COL20A1: variants seen among roughly 807,000 people sequenced by gnomAD.
The protein encoded by COL20A1 is collagen alpha-1(XX) chain.
Under a neutral mutation model 152.9 loss-of-function variants are expected in COL20A1, and 164 were observed. The ratio of observed to expected loss-of-function variants is 1.07; its 90% confidence interval spans 0.94 to 1.22. The LOEUF (loss-of-function observed/expected upper bound fraction) is 1.22. Ranked by LOEUF, COL20A1 falls within the 50% of genes most tolerant of loss-of-function variation. COL20A1 has a pLI of 0.00. For missense variants in COL20A1, 1,873 were observed against 1,744.8 expected (o/e 1.07, Z -1.31); for synonymous variants, 864 against 756.0 (o/e 1.14, Z -2.34).
In COL20A1 at chr20:63,310,028, G is replaced by C. The variant is rs1003007114; in HGVS notation, c.1263+113G>C. 1.0e-5 allele frequency: 11 copies of C among 1,049,390 alleles called. No individual in the cohort carries two copies. In the African/African-American group the frequency reaches 1.6e-4, roughly 15 times the overall value. The allele number at this position is 1,049,390 out of a possible 1,614,324, so 65.0% of individuals were successfully genotyped here. A position where few individuals can be genotyped will look rare whatever the true frequency, so the allele number is the denominator to read the frequency against. ...CCACAAATAACTGGGTCCAGGCTGA[G>C]AAGGGGGTGTCGAGGGGCTGACAGC... On this transcript the variant is annotated intron_variant, in intron 10 of 35. Transcript: ENST00000358894.
At chr20:63,325,224 G>T in intron 27 of COL20A1, 1 of 689,214 alleles carries the variant, frequency 1.5e-6, no homozygotes. Flanking sequence ...AGGAGGGGTG[G>T]CAAGCGTGAC....
At chr20:63,316,813 C>T (rs868121446) in intron 21 of COL20A1, 122 bp downstream of exon 21, 10 of 936,560 alleles carry the variant, frequency 1.1e-5, no homozygotes, top group South Asian at 4.3e-5. Context: ...GACAGGGCAG[C>T]GCTGCTATGT....
intron 34 of COL20A1, among the ~76,000 whole-genome samples, chr20:63,328,781 A>C (rs1283897072): frequency 6.6e-6 from 1 of 152,110 alleles, no homozygotes; most frequent in Non-Finnish European, 1.5e-5. Context: ...AGGGCCACAC[A>C]GGAGAGCCCA....
In COL20A1 at chr20:63,313,635, G is replaced by A. The variant is rs1371724639; in HGVS notation, c.2210-108G>A. On this transcript the variant is annotated intron_variant, in intron 17 of 35. Transcript: ENST00000358894. The surrounding 1 kb of genome is among the most constrained non-coding windows in gnomAD (Gnocchi z 5.9). Reference sequence around the variant, plus strand: ...TGGTAGGGGTGTGGCATGATGTGGTGGAGGCATTACGCAGAGCAGGGTAGG... The same window carrying A: ...TGGTAGGGGTGTGGCATGATGTGGTAGAGGCATTACGCAGAGCAGGGTAGG... The A allele has an allele frequency of 1.9e-6, 2 of 1,072,654 alleles. No individual in the cohort carries two copies. The highest frequency in any genetic ancestry group is 1.6e-5 in the African/African-American group (1 of 62,578). 66.4% of individuals were successfully genotyped at this position (1,072,654 alleles called of 1,614,324 possible).
In COL20A1 at chr20:63,319,726, C is replaced by G. The variant is rs1369076217; in HGVS notation, c.2916+130C>G. ...ACCTTCCTTGGGAGGGAACATTGAC[C>G]TGGGGCTCTGTTCCTCTACCCCAGC... On this transcript the variant is annotated intron_variant, in intron 23 of 35. Transcript: ENST00000358894. This position sits in a 1 kb window ranked among gnomAD's most constrained non-coding sequence, Gnocchi z 4.4. 5 of 646,500 alleles carry G rather than the reference C, an allele frequency of 7.7e-6. No individual in the cohort carries two copies. Among genetic ancestry groups the G allele is most frequent in the South Asian group, 7.6e-5 (4 of 52,578 alleles). The allele number at this position is 646,500 out of a possible 1,614,324, so 40.0% of individuals were successfully genotyped here.
chr20:63,312,067 G>A lies in COL20A1; in HGVS notation c.1803+12G>A, dbSNP rs766867339. The A allele has an allele frequency of 3.9e-5, 60 of 1,544,412 alleles. No homozygotes were observed. The highest frequency in any genetic ancestry group is 2.6e-6 in the Non-Finnish European group (3 of 1,144,974). ...GACACTCGGGGCAGGTGAGAGCAGA[G>A]CCCTCCGGGGGCCCGAGTGTCTTGA... On this transcript the variant is annotated intron_variant, in intron 14 of 35. Coordinates refer to ENST00000358894, the MANE Select transcript of COL20A1 (RefSeq NM_020882.4).
chr20:63,293,644 C>A (rs2067743987), intron 1 of COL20A1, among the ~76,000 whole-genome samples: 1 of 152,096 alleles, frequency 6.6e-6, no homozygotes, highest in African/African-American at 2.4e-5. Flanking sequence ...GTGGGAGGAT[C>A]CAGGGACTTG....
At chr20:63,328,631 G>A (rs1601445869) in intron 34 of COL20A1, 133 bp downstream of exon 34, 1 of 874,432 alleles carries the variant, frequency 1.1e-6, no homozygotes, top group East Asian at 2.7e-5. Flanking sequence ...TCCAGCCTCT[G>A]GGGTGCTGGG....
intron 2 of COL20A1, among the ~76,000 whole-genome samples, chr20:63,297,232 CCAGCCCAGGGGACT>C (rs761465574): frequency 4.6e-5 from 7 of 152,158 alleles, no homozygotes; most frequent in African/African-American, 9.6e-5. Context: ...TCCTGGGGAC[CCAGCCCAGGGGACT>C]CAGCCCAGGG....
In COL20A1 at chr20:63,312,561, G is replaced by T; in HGVS notation, c.1933+12G>T. ...CCGGGTGACCACCAGTGAGTGGGGA[G>T]AGGCTGGGGCTGGGGGTCCAGCAGG... On this transcript the variant is annotated intron_variant, in intron 15 of 35. Coordinates refer to ENST00000358894, the MANE Select transcript of COL20A1 (RefSeq NM_020882.4). 6.4e-7 allele frequency: 1 copy of T among 1,562,066 alleles called. No individual in the cohort carries two copies.
intron 27 of COL20A1, chr20:63,324,998 G>A: frequency 6.6e-6 from 2 of 301,162 alleles, no homozygotes; most frequent in South Asian, 2.6e-5. Context: ...GGCAGGGGAG[G>A]GCTGGGGGTG....
At chr20:63,296,861 G>A (rs993088481) in intron 2 of COL20A1, among the ~76,000 whole-genome samples, 2 of 149,394 alleles carry the variant, frequency 1.3e-5, no homozygotes, top group African/African-American at 2.5e-5. Flanking sequence ...TCTTCCCCCC[G>A]AGCCCCAGCT....
rs369171579 is a variant in COL20A1 at position 63,305,603 on chromosome 20, CGGGTCCCACCCTCCTCTGGGCTG to C, written c.337+60_337+82del. 3.3e-4 allele frequency: 507 copies of C among 1,545,714 alleles called. No individual in the cohort carries two copies. The African/African-American group carries it at 4.5e-3, about 14-fold the overall frequency. ...CAGCTGGGTACCCACTCCTCCAGGC[CGGGTCCCACCCTCCTCTGGGCTG>C]GGGTCCCACCCTCCTCCAGGCTGCG... On this transcript the variant is annotated intron_variant, in intron 4 of 35. Coordinates refer to ENST00000358894, the MANE Select transcript of COL20A1 (RefSeq NM_020882.4). This position sits in a 1 kb window ranked among gnomAD's most constrained non-coding sequence, Gnocchi z 4.9.
chr20:63,293,850 G>A lies in COL20A1; in HGVS notation c.-11+575G>A, dbSNP rs73329159. On this transcript the variant is annotated intron_variant, in intron 1 of 35. Transcript: ENST00000358894. ...GCAGAGGAGCAGATTCCCTGGTGGG[G>A]ATACTGGGGTCACACACTGGGAGGG... Among the ~76,000 whole-genome samples, 734 of 134,482 alleles carry A rather than the reference G, an allele frequency of 5.5e-3. 8 individuals are homozygous for A. The highest frequency in any genetic ancestry group is 0.019 in the African/African-American group (706 of 36,244). The allele number at this position is 134,482 out of a possible 152,430, so 88.2% of individuals were successfully genotyped here.
chr20:63,311,698 G>A lies in COL20A1; in HGVS notation c.1613G>A (p.Ser538Asn). ...AGGGACTATGAGGTCTCGGTGCAGA[G>A]CCTGCGAGGCCCTGAGGGCAGCGAG... ...PGRDYEVSVQSLRGPEGSEAR... is the reference protein window; with the variant it reads ...PGRDYEVSVQNLRGPEGSEAR... Residue 538 changes from serine to asparagine, a missense_variant, in exon 13 of 36, where the codon AGC (serine) becomes AAC (asparagine). Transcript: ENST00000358894. The surrounding 1 kb of genome is among the most constrained non-coding windows in gnomAD (Gnocchi z 4.4). The A allele has an allele frequency of 6.2e-7, 1 of 1,605,646 alleles. No individual in the cohort carries two copies. The highest frequency in any genetic ancestry group is 8.5e-7 in the Non-Finnish European group (1 of 1,178,752).
Position 63,319,327 on chromosome 20 carries a change from G to C in COL20A1, c.2806+127G>C, listed in dbSNP as rs1673596661. 1 of 1,178,700 alleles carries C rather than the reference G, an allele frequency of 8.5e-7. No individual in the cohort carries two copies. Among genetic ancestry groups the C allele is most frequent in the African/African-American group, 1.5e-5 (1 of 65,070 alleles). The allele number at this position is 1,178,700 out of a possible 1,614,324, so 73.0% of individuals were successfully genotyped here. On this transcript the variant is annotated intron_variant, in intron 22 of 35. Coordinates refer to ENST00000358894, the MANE Select transcript of COL20A1 (RefSeq NM_020882.4). The surrounding 1 kb of genome is among the most constrained non-coding windows in gnomAD (Gnocchi z 4.4). ...GGCCCTCAGCACCCTCTGGGTGGGA[G>C]GCAGGTGTCCCGGGCAGGGGGCTGT...
At chr20:63,317,280 GC>G (rs1299253580) in intron 21 of COL20A1, among the ~76,000 whole-genome samples, 1 of 152,070 alleles carries the variant, frequency 6.6e-6, no homozygotes, top group Non-Finnish European at 1.5e-5. Context: ...CCTGGACAAT[GC>G]AGCAAGACCC....
At position 63,313,138 on chromosome 20, in the gene COL20A1, G is replaced by A. The variant is rs367897903; in HGVS notation, c.2098G>A (p.Gly700Ser). 20 of 1,610,594 alleles carry A rather than the reference G, an allele frequency of 1.2e-5. No individual in the cohort carries two copies. In the East Asian group the frequency reaches 2.7e-4, roughly 22 times the overall value. ...CTAGATCTCTGTCCCAGGGAACCTC[G>A]GCACGGCCGTCCTGCCTGGCCTAGG... Reference protein sequence around the residue: ...AHEISVPGNLGTAVLPGLGRH... With the variant: ...AHEISVPGNLSTAVLPGLGRH... Residue 700 changes from glycine (G) to serine (S), a missense_variant, in exon 17 of 36, where the codon GGC becomes AGC. Gly to Ser is a moderately conservative substitution (Grantham distance 56, BLOSUM62 0). Coordinates refer to ENST00000358894, the MANE Select transcript of COL20A1 (RefSeq NM_020882.4). This position sits in a 1 kb window ranked among gnomAD's most constrained non-coding sequence, Gnocchi z 5.9.
intron 8 of COL20A1, among the ~76,000 whole-genome samples, chr20:63,309,110 A>G: frequency 6.6e-6 from 1 of 152,142 alleles, no homozygotes; most frequent in Non-Finnish European, 1.5e-5. Context: ...TCCTGTGGGG[A>G]GGAAACCCCA....
Sources: gnomAD v4.1 joint callset for allele counts (sites outside exome capture counted in the v4.1 genomes callset) on GRCh38, gnomAD v4.1.1 for gene constraint, Gnocchi (gnomAD v3.1) non-coding constraint, MANE v1.5 for transcripts, NCBI Gene and HGNC (gene_info 2026-07-23, HGNC 2026-07-21) for gene names.